The following COL20A1 variants were observed in gnomAD, a reference collection of about 807,000 sequenced individuals.
COL20A1 encodes the protein collagen type XX alpha 1 chain.
A neutral mutation model predicts 152.9 loss-of-function variants in COL20A1; 164 were observed. That is an observed-to-expected ratio of 1.07 (90% CI 0.94 to 1.22). The LOEUF (loss-of-function observed/expected upper bound fraction) is 1.22, where lower values mean the gene tolerates loss of function less well. COL20A1 is among the 50% of genes most tolerant of loss of function. The pLI, the probability that COL20A1 is intolerant of heterozygous loss-of-function variation, is 0.00. For synonymous variants in COL20A1, 864 were observed against 756.0 expected (o/e 1.14, Z -2.34); for missense variants, 1,873 against 1,744.8 (o/e 1.07, Z -1.31).
At chr20:63,293,730 G>A (rs2067745234) in intron 1 of COL20A1, among the ~76,000 whole-genome samples, 1 of 152,096 alleles carries the variant, frequency 6.6e-6, no homozygotes, top group African/African-American at 2.4e-5. Flanking sequence ...CTGTTCCAAT[G>A]CCTGGGTCTT....
intron 8 of COL20A1, 53 bp from the exon 9 acceptor site, chr20:63,309,280 C>T (rs1296138785): frequency 5.9e-6 from 8 of 1,351,420 alleles, no homozygotes; most frequent in Non-Finnish European, 7.7e-6. Context: ...CCGCAGGTGG[C>T]CCCGTCGGGT....
chr20:63,308,298 A>G lies in COL20A1; in HGVS notation c.775+208A>G, dbSNP rs144022917. On this transcript the variant is annotated intron_variant, in intron 7 of 35. Coordinates refer to ENST00000358894, the MANE Select transcript of COL20A1 (RefSeq NM_020882.4). ...CCAGCGCGTGGCTCCTCTGTTCCAC[A>G]TTAGCAGCTCTGGCTGGGTCCACAC... 3.9e-5 allele frequency among the ~76,000 whole-genome samples: 6 copies of G among 152,316 alleles called. No individual in the cohort carries two copies. The East Asian group carries it at 1.2e-3, about 29-fold the overall frequency.
intron 3 of COL20A1, among the ~76,000 whole-genome samples, chr20:63,301,758 C>T (rs1490749661): frequency 2.0e-5 from 3 of 152,132 alleles, no homozygotes; most frequent in Non-Finnish European, 2.9e-5. Flanking sequence ...TCTCCTTTCT[C>T]CTTCTTTTAC....
chr20:63,327,241 TCAGGGACTTCCTATTGACCACC>T (rs1330942794), intron 31 of COL20A1: 9 of 192,482 alleles, frequency 4.7e-5, no homozygotes, highest in East Asian at 1.6e-4. Context: ...TGTTGGCCAC[TCAGGGACTTCCTATTGACCACC>T]CAGGGACTTC....
chr20:63,326,378 C>T (rs763509192), intron 30 of COL20A1, among the ~76,000 whole-genome samples: 12 of 152,306 alleles, frequency 7.9e-5, no homozygotes, highest in Non-Finnish European at 1.6e-4. Context: ...GACTCAGTTC[C>T]TGGGAGACCT....
intron 20 of COL20A1, among the ~76,000 whole-genome samples, chr20:63,316,225 C>G (rs1307831414): frequency 1.3e-5 from 2 of 152,090 alleles, no homozygotes; most frequent in East Asian, 3.9e-4. Flanking sequence ...TGATCGGGGG[C>G]TGGGCGTCCA....
intron 10 of COL20A1, 97 bp from the exon 11 acceptor site, chr20:63,310,276 TGCGGGCCC>T: frequency 3.8e-6 from 5 of 1,323,556 alleles, no homozygotes; most frequent in Non-Finnish European, 5.2e-6. Flanking sequence ...TGGGGCACCC[TGCGGGCCC>T]CAGCTGAGCT....
intron 27 of COL20A1, among the ~76,000 whole-genome samples, chr20:63,323,743 C>A (rs2068203574): frequency 6.6e-6 from 1 of 152,206 alleles, no homozygotes; most frequent in Non-Finnish European, 1.5e-5. Flanking sequence ...GGCTGTGCTG[C>A]TTAAATTATT....
intron 6 of COL20A1, 126 bp downstream of exon 6, chr20:63,307,774 C>A: frequency 8.1e-7 from 1 of 1,239,238 alleles, no homozygotes; most frequent in South Asian, 1.5e-5. Context: ...GGTGGGACGC[C>A]TGCTCCACAT....
At chr20:63,315,667 A>G (rs1356026609) in intron 20 of COL20A1, among the ~76,000 whole-genome samples, 2 of 152,246 alleles carry the variant, frequency 1.3e-5, no homozygotes, top group Admixed American at 6.5e-5. Flanking sequence ...AGGAACCGGC[A>G]GAGCCCAGGC....
chr20:63,315,023 C>T (rs567384578), intron 19 of COL20A1, among the ~76,000 whole-genome samples: 52 of 152,094 alleles, frequency 3.4e-4, no homozygotes, highest in African/African-American at 1.2e-3. Context: ...CCCCAGGACA[C>T]GTGTGCCCCC....
chr20:63,325,909 C>G (rs1209139725), intron 29 of COL20A1, among the ~76,000 whole-genome samples, 187 bp from the exon 30 acceptor site: 1 of 151,914 alleles, frequency 6.6e-6, no homozygotes, highest in Non-Finnish European at 1.5e-5. Context: ...CAGCCCACCC[C>G]AGGCAGGAGC....
Position 63,311,900 on chromosome 20 carries a change from C to G in COL20A1, c.1664-16C>G. ...GAGGCCGCGTGCTGGCCTTGAGGCT[C>G]TGCTGTGCTTTGCAGCCACCCTGGC... On this transcript the variant is annotated splice_polypyrimidine_tract_variant and intron_variant, in intron 13 of 35. Transcript: ENST00000358894. This position sits in a 1 kb window ranked among gnomAD's most constrained non-coding sequence, Gnocchi z 4.4. The G allele has an allele frequency of 6.5e-7, 1 of 1,532,768 alleles. No homozygotes were observed. The highest frequency in any genetic ancestry group is 8.8e-7 in the Non-Finnish European group (1 of 1,142,370). 94.9% of individuals were successfully genotyped at this position (1,532,768 alleles called of 1,614,324 possible). A position where few individuals can be genotyped will look rare whatever the true frequency, so the allele number is the denominator to read the frequency against.
intron 21 of COL20A1, 74 bp downstream of exon 21, chr20:63,316,765 G>A: frequency 1.4e-6 from 2 of 1,397,248 alleles, no homozygotes; most frequent in Non-Finnish European, 1.9e-6. Context: ...ACATGGTGGG[G>A]GGGCGGGCAT....
intron 3 of COL20A1, among the ~76,000 whole-genome samples, chr20:63,302,088 G>C (rs1383001728): frequency 1.3e-5 from 2 of 152,080 alleles, no homozygotes; most frequent in Non-Finnish European, 2.9e-5. Flanking sequence ...GCAATTATCA[G>C]CGTGCGGCCA....
Position 63,312,062 on chromosome 20 carries a change from G to C in COL20A1, c.1803+7G>C. On this transcript the variant is annotated splice_region_variant and intron_variant, in intron 14 of 35. Transcript: ENST00000358894. ...GGGTGGACACTCGGGGCAGGTGAGAGCAGAGCCCTCCGGGGGCCCGAGTGT... is the reference window on the plus strand; with the variant it reads ...GGGTGGACACTCGGGGCAGGTGAGACCAGAGCCCTCCGGGGGCCCGAGTGT... 6.4e-7 allele frequency: 1 copy of C among 1,554,240 alleles called. No homozygotes were observed. The highest frequency in any genetic ancestry group is 8.7e-7 in the Non-Finnish European group (1 of 1,149,572).
At position 63,328,468 on chromosome 20, in the gene COL20A1, G is replaced by A. The variant is rs1721088606; in HGVS notation, c.3751G>A (p.Gly1251Arg). The change falls in exon 34 of 36, where the codon GGG becomes AGG. Residue 1251 changes from glycine (G) to arginine (R), a missense_variant. Gly to Arg is a moderately radical substitution (Grantham distance 125). Coordinates refer to ENST00000358894, the MANE Select transcript of COL20A1 (RefSeq NM_020882.4). ...CAAGGCCCTGGTTCCTGGAGAATGGGGGCGTGGTGGCCGCCACCTTGAGGG... is the reference window on the plus strand; with the variant it reads ...CAAGGCCCTGGTTCCTGGAGAATGGAGGCGTGGTGGCCGCCACCTTGAGGG... ...RSKALVPGEW[G>R]RGGRHLEGRG... is the part of the protein sequence containing the mutation. 1 of 1,612,124 alleles carries A rather than the reference G, an allele frequency of 6.2e-7. No individual in the cohort carries two copies. Among genetic ancestry groups the A allele is most frequent in the South Asian group, 1.1e-5 (1 of 90,984 alleles).
At position 63,311,734 on chromosome 20, in the gene COL20A1, T is replaced by G; in HGVS notation, c.1649T>G (p.Ile550Ser). The G allele has an allele frequency of 6.3e-7, 1 of 1,594,180 alleles. No individual in the cohort carries two copies. Among genetic ancestry groups the G allele is most frequent in the Non-Finnish European group, 8.5e-7 (1 of 1,174,914 alleles). ...CCTGAGGGCAGCGAGGCCCGGGGCA[T>G]CCGTGCCAGGACCCGTGAGTGCTCC... Reference protein sequence around the residue: ...RGPEGSEARGIRARTPTLAPP... With the variant: ...RGPEGSEARGSRARTPTLAPP... The change falls in exon 13 of 36, where the codon ATC becomes AGC. Residue 550 changes from isoleucine (I) to serine (S), a missense_variant. Ile to Ser is a moderately radical substitution (Grantham distance 142). Coordinates refer to ENST00000358894, the MANE Select transcript of COL20A1 (RefSeq NM_020882.4). This position sits in a 1 kb window ranked among gnomAD's most constrained non-coding sequence, Gnocchi z 4.4.
At chr20:63,315,025 T>C (rs1431774908) in intron 19 of COL20A1, among the ~76,000 whole-genome samples, 104 of 134,730 alleles carry the variant, frequency 7.7e-4, no homozygotes, top group East Asian at 1.4e-3. Context: ...CCAGGACACG[T>C]GTGCCCCCAG....
Sources: gnomAD v4.1 joint callset for allele counts (sites outside exome capture counted in the v4.1 genomes callset) on GRCh38, gnomAD v4.1.1 for gene constraint, Gnocchi (gnomAD v3.1) non-coding constraint, MANE v1.5 for transcripts, NCBI Gene and HGNC (gene_info 2026-07-23, HGNC 2026-07-21) for gene names.